The following MRAP2 variants were observed in gnomAD, a reference collection of about 807,000 sequenced individuals.
The protein encoded by MRAP2 is melanocortin 2 receptor accessory protein 2.
MRAP2 carries 20 observed loss-of-function variants against 17.4 expected under a neutral mutation model. The observed-to-expected ratio is 1.15, with a 90% confidence interval of 0.81 to 1.67. MRAP2 has a LOEUF of 1.67. Among genes scored for constraint, MRAP2 ranks in the 40% most tolerant of loss-of-function variants. MRAP2 has a pLI of 0.00. For missense variants in MRAP2, 238 were observed against 240.0 expected (o/e 0.99, Z 0.05); for synonymous variants, 96 against 88.4 (o/e 1.09, Z -0.48).
the MRAP2 span, chr6:84,124,915 T>C: frequency 7.4e-5 from 48 of 652,712 alleles, no homozygotes; most frequent in Non-Finnish European, 1.2e-4. Context: ...TTTTTTCTTA[T>C]TGGTTAAAGG....
At chr6:84,083,425 G>T (rs2099499505) in intron 3 of MRAP2, among the ~76,000 whole-genome samples, 1 of 152,058 alleles carries the variant, frequency 6.6e-6, no homozygotes, top group Admixed American at 6.6e-5. Context: ...TAAATATATG[G>T]GTATTTTGCC....
At chr6:84,088,075 A>T (rs1307287180) in intron 3 of MRAP2, among the ~76,000 whole-genome samples, 1 of 152,036 alleles carries the variant, frequency 6.6e-6, no homozygotes, top group Admixed American at 6.6e-5. Context: ...GAGTGATAGG[A>T]TGGGAAGGAA....
At chr6:84,122,604 C>T in the MRAP2 span, among the ~76,000 whole-genome samples, 1 of 152,064 alleles carries the variant, frequency 6.6e-6, no homozygotes, top group Admixed American at 6.6e-5. Flanking sequence ...CCATATATTA[C>T]AAACCTACAG....
chr6:84,048,325 G>A (rs2099489557), intron 1 of MRAP2, among the ~76,000 whole-genome samples: 1 of 152,008 alleles, frequency 6.6e-6, no homozygotes. Flanking sequence ...GGTGTGTAGT[G>A]GTATCTCATT....
At chr6:84,105,681 A>C in the MRAP2 span, among the ~76,000 whole-genome samples, 3 of 152,154 alleles carry the variant, frequency 2.0e-5, no homozygotes, top group Non-Finnish European at 2.9e-5. Context: ...GTGGAGTAGC[A>C]GTCCAATTTC....
chr6:84,105,860 G>A, the MRAP2 span, among the ~76,000 whole-genome samples: 3 of 152,064 alleles, frequency 2.0e-5, no homozygotes, highest in Non-Finnish European at 2.9e-5. Flanking sequence ...CTGGAACTAA[G>A]GCCTCTAAGT....
At chr6:84,104,376 T>C in the MRAP2 span, among the ~76,000 whole-genome samples, 1 of 152,244 alleles carries the variant, frequency 6.6e-6, no homozygotes, top group Non-Finnish European at 1.5e-5. Flanking sequence ...CCCCATTATC[T>C]TGGGGATAAA....
the MRAP2 span, among the ~76,000 whole-genome samples, chr6:84,139,984 G>A: frequency 6.6e-6 from 1 of 152,200 alleles, no homozygotes; most frequent in Admixed American, 6.5e-5. Flanking sequence ...GACAAACTTT[G>A]CTGTGGGTCC....
At chr6:84,046,088 T>C (rs1369682586) in intron 1 of MRAP2, among the ~76,000 whole-genome samples, 2 of 152,230 alleles carry the variant, frequency 1.3e-5, no homozygotes, top group Non-Finnish European at 2.9e-5. Flanking sequence ...TGTGAAAATA[T>C]TGATGTCAGA....
At chr6:84,116,262 G>A in the MRAP2 span, among the ~76,000 whole-genome samples, 1 of 152,072 alleles carries the variant, frequency 6.6e-6, no homozygotes, top group African/African-American at 2.4e-5. Context: ...ATTCCCATTT[G>A]TTGTGTGAGG....
At chr6:84,033,729 G>T (rs1386952350), upstream of MRAP2, 1 of 985,276 alleles carries the variant, frequency 1.0e-6, no homozygotes. Flanking sequence ...CTCCGCTGCG[G>T]GTCGGGAGCG....
the MRAP2 span, among the ~76,000 whole-genome samples, chr6:84,127,833 G>C: frequency 9.2e-5 from 14 of 152,292 alleles, no homozygotes; most frequent in Non-Finnish European, 2.1e-4. Flanking sequence ...GATGGCCAAT[G>C]ACTAGTGAGA....
chr6:84,105,513 C>T, the MRAP2 span, among the ~76,000 whole-genome samples: 1 of 152,164 alleles, frequency 6.6e-6, no homozygotes, highest in African/African-American at 2.4e-5. Context: ...GACTTGCCCC[C>T]ATGATTCACT....
At chr6:84,113,283 T>G in the MRAP2 span, among the ~76,000 whole-genome samples, 1 of 152,208 alleles carries the variant, frequency 6.6e-6, no homozygotes, top group Non-Finnish European at 1.5e-5. Context: ...TTTTATTGGG[T>G]GCATATATAT....
chr6:84,139,654 G>C, the MRAP2 span, among the ~76,000 whole-genome samples: 1 of 152,124 alleles, frequency 6.6e-6, no homozygotes, highest in Non-Finnish European at 1.5e-5. Context: ...AGCTCTCCCA[G>C]ATATCTGTCT....
chr6:84,043,944 G>A (rs2099488318), intron 1 of MRAP2, among the ~76,000 whole-genome samples: 1 of 152,170 alleles, frequency 6.6e-6, no homozygotes, highest in Admixed American at 6.5e-5. Context: ...AAGACGGCAT[G>A]TAGTGGGATA....
At chr6:84,082,325 A>G (rs2099499198) in intron 3 of MRAP2, among the ~76,000 whole-genome samples, 2 of 152,176 alleles carry the variant, frequency 1.3e-5, no homozygotes, top group Non-Finnish European at 2.9e-5. Context: ...TCTCTCTCGT[A>G]TTAGTATACT....
chr6:84,071,719 AT>A (rs1418420652), intron 3 of MRAP2, among the ~76,000 whole-genome samples: 25 of 152,194 alleles, frequency 1.6e-4, no homozygotes, highest in Non-Finnish European at 5.9e-5. Context: ...AACACCAATT[AT>A]CCTTAGGTTT....
At chr6:84,123,196 C>T in the MRAP2 span, among the ~76,000 whole-genome samples, 20 of 146,066 alleles carry the variant, frequency 1.4e-4, no homozygotes, top group Non-Finnish European at 2.5e-4. Context: ...TAATTACCAT[C>T]ATTTTTTCAC....
Sources: gnomAD v4.1 joint callset for allele counts (sites outside exome capture counted in the v4.1 genomes callset) on GRCh38, gnomAD v4.1.1 for gene constraint, MANE v1.5 for transcripts, NCBI Gene and HGNC (gene_info 2026-07-23, HGNC 2026-07-21) for gene names.